The following CRTC3 variants were observed in gnomAD, a reference collection of about 807,000 sequenced individuals.
The protein encoded by CRTC3 is CREB regulated transcription coactivator 3, also known as CREB-regulated transcription coactivator 3.
Under a neutral mutation model 74.5 loss-of-function variants are expected in CRTC3, and 26 were observed. That is an observed-to-expected ratio of 0.35 (90% CI 0.26 to 0.48). CRTC3 has a LOEUF of 0.48. Among genes scored for constraint, CRTC3 ranks in the 20% least tolerant of loss-of-function variants. CRTC3 has a pLI of 0.99. For synonymous variants in CRTC3, 377 were observed against 325.8 expected (o/e 1.16, Z -1.69); for missense variants, 760 against 787.3 (o/e 0.97, Z 0.41).
chr15:90,571,853 A>G (rs1967274698), intron 2 of CRTC3, among the ~76,000 whole-genome samples: 1 of 152,132 alleles, frequency 6.6e-6, no homozygotes. Flanking sequence ...GCTATACTGA[A>G]TAACTCCCAT....
chr15:90,543,223 T>C (rs932171889), intron 2 of CRTC3, among the ~76,000 whole-genome samples: 1 of 142,158 alleles, frequency 7.0e-6, no homozygotes, highest in African/African-American at 2.6e-5. Flanking sequence ...AGTGCTTGAG[T>C]CCAGAGAGCA....
intron 2 of CRTC3, among the ~76,000 whole-genome samples, chr15:90,591,566 C>T (rs1863560750): frequency 1.3e-5 from 2 of 152,172 alleles, no homozygotes; most frequent in African/African-American, 4.8e-5. Flanking sequence ...CATGTAATCC[C>T]AACACTTTGG....
intron 2 of CRTC3, among the ~76,000 whole-genome samples, chr15:90,587,135 C>G (rs1054475623): frequency 2.0e-5 from 3 of 152,178 alleles, no homozygotes; most frequent in African/African-American, 4.8e-5. Flanking sequence ...TAATTTCCCC[C>G]CTAGGTGACG....
At chr15:90,540,224 A>T in intron 2 of CRTC3, 87 bp downstream of exon 2, 1 of 920,314 alleles carries the variant, frequency 1.1e-6, no homozygotes, top group South Asian at 1.5e-5. Context: ...ATCTTGAAGG[A>T]TAAGCTGGGC....
At chr15:90,545,860 G>A (rs868332824) in intron 2 of CRTC3, among the ~76,000 whole-genome samples, 11 of 152,214 alleles carry the variant, frequency 7.2e-5, no homozygotes, top group South Asian at 2.1e-4. Context: ...TTACAGGCGT[G>A]AGCCACTGCG....
intron 2 of CRTC3, among the ~76,000 whole-genome samples, chr15:90,575,049 T>C (rs1967370837): frequency 1.3e-5 from 2 of 152,178 alleles, no homozygotes; most frequent in African/African-American, 4.8e-5. Context: ...AATTTTTTCA[T>C]GTATCAAAAG....
At chr15:90,638,323 T>G in intron 11 of CRTC3, 123 bp from the exon 12 acceptor site, 1 of 762,804 alleles carries the variant, frequency 1.3e-6, no homozygotes, top group Admixed American at 2.4e-5. Flanking sequence ...CTCACAGCAT[T>G]GCACAGAACA....
Position 90,625,878 on chromosome 15 carries a change from A to G in CRTC3, c.852A>G (p.Thr284=), listed in dbSNP as rs960063131. 8.7e-6 allele frequency: 14 copies of G among 1,613,930 alleles called. No individual in the cohort carries two copies. The highest frequency in any genetic ancestry group is 1.1e-5 in the Non-Finnish European group (13 of 1,179,972). Residue 284 remains threonine (T), a synonymous_variant, in exon 10 of 15, where the codon ACA becomes ACG. Coordinates refer to ENST00000268184, the MANE Select transcript of CRTC3 (RefSeq NM_022769.5). ...LPDLTNLHYS[T]PLPASLDTTD... ...ATCTAACCAACCTCCACTACTCGACACCCCTGCCAGCCTCCCTGGACACCA... is the reference window on the plus strand; with the variant it reads ...ATCTAACCAACCTCCACTACTCGACGCCCCTGCCAGCCTCCCTGGACACCA...
At chr15:90,641,321 G>A (rs879582996) in intron 14 of CRTC3, 122 bp downstream of exon 14, 11 of 704,886 alleles carry the variant, frequency 1.6e-5, no homozygotes, top group South Asian at 3.5e-5. Context: ...TCCCTGGGTC[G>A]ACTTGACTTT....
intron 2 of CRTC3, among the ~76,000 whole-genome samples, chr15:90,581,231 CTG>C (rs1326701970): frequency 6.6e-6 from 1 of 152,184 alleles, no homozygotes; most frequent in Admixed American, 6.5e-5. Context: ...GACAAGGACA[CTG>C]TGTGTGTCTT....
intron 3 of CRTC3, among the ~76,000 whole-genome samples, chr15:90,597,444 A>G (rs1488482488): frequency 6.6e-6 from 1 of 152,194 alleles, no homozygotes; most frequent in Non-Finnish European, 1.5e-5. Context: ...CCTAAGACCT[A>G]CTAGAGTTAG....
chr15:90,589,834 A>G (rs1967757931), intron 2 of CRTC3, among the ~76,000 whole-genome samples: 1 of 151,932 alleles, frequency 6.6e-6, no homozygotes, highest in African/African-American at 2.4e-5. Context: ...TAAAAATACA[A>G]AAATTGGCCG....
chr15:90,604,855 AGC>A (rs1292858497), intron 5 of CRTC3, among the ~76,000 whole-genome samples: 1 of 152,226 alleles, frequency 6.6e-6, no homozygotes, highest in African/African-American at 2.4e-5. Context: ...GTTCTACCTC[AGC>A]CATTTTTTTT....
chr15:90,605,269 C>T (rs368524047), intron 5 of CRTC3, among the ~76,000 whole-genome samples: 1 of 151,952 alleles, frequency 6.6e-6, no homozygotes, highest in Non-Finnish European at 1.5e-5. Flanking sequence ...AAAAGAAACC[C>T]GATGAATGGT....
intron 2 of CRTC3, among the ~76,000 whole-genome samples, chr15:90,555,832 A>G (rs939849547): frequency 2.6e-5 from 4 of 151,982 alleles, no homozygotes; most frequent in African/African-American, 7.2e-5. Flanking sequence ...TTTCTTTTTT[A>G]GCTTCCATTT....
chr15:90,619,882 G>T, intron 9 of CRTC3, 92 bp downstream of exon 9: 1 of 1,073,158 alleles, frequency 9.3e-7, no homozygotes, highest in Non-Finnish European at 1.4e-6. Flanking sequence ...TCTCAGAAAC[G>T]TAACTTGCTA....
intron 2 of CRTC3, among the ~76,000 whole-genome samples, chr15:90,583,049 G>A (rs1967580127): frequency 6.6e-6 from 1 of 151,840 alleles, no homozygotes; most frequent in South Asian, 2.1e-4. Context: ...TGTTGCCCAG[G>A]CTGGCCTCCT....
At chr15:90,551,365 G>A (rs554976830) in intron 2 of CRTC3, among the ~76,000 whole-genome samples, 8 of 151,596 alleles carry the variant, frequency 5.3e-5, no homozygotes, top group Non-Finnish European at 7.4e-5. Context: ...CCCCCTCACC[G>A]CTGCTGTCCA....
chr15:90,567,690 A>AT (rs1300659149), intron 2 of CRTC3, among the ~76,000 whole-genome samples: 12 of 145,966 alleles, frequency 8.2e-5, no homozygotes, highest in South Asian at 2.2e-4. Context: ...CTCCGTCTCA[A>AT]AAAATAAATA....
Sources: allele counts gnomAD v4.1 joint callset (sites outside exome capture counted in the v4.1 genomes callset), GRCh38; gene constraint gnomAD v4.1.1; transcripts MANE v1.5; gene names NCBI Gene and HGNC (gene_info 2026-07-23, HGNC 2026-07-21).